The following HCN1 variants were observed in gnomAD, a reference collection of about 807,000 sequenced individuals.
The protein encoded by HCN1 is potassium/sodium hyperpolarization-activated cyclic nucleotide-gated channel 1.
Under a neutral mutation model 78.9 loss-of-function variants are expected in HCN1, and 13 were observed. The ratio of observed to expected loss-of-function variants is 0.16; its 90% CI spans 0.11 to 0.26. The LOEUF is 0.26. Ranked by LOEUF, HCN1 falls within the 10% of genes least tolerant of loss-of-function variation. The probability of loss-of-function intolerance (pLI) is 1.00; values close to 1 mark genes in which losing one functional copy is unlikely to be tolerated. For synonymous variants in HCN1, 552 were observed against 455.5 expected (o/e 1.21, Z -2.70); for missense variants, 810 against 1,154.3 (o/e 0.70, Z 4.32).
At chr5:45,632,279 TTGTGTGTGTG>T (rs139925464) in intron 2 of HCN1, among the ~76,000 whole-genome samples, 2 of 147,696 alleles carry the variant, frequency 1.4e-5, no homozygotes, top group Non-Finnish European at 3.0e-5. Flanking sequence ...TAATGTTCCA[TTGTGTGTGTG>T]TGTGTGTGTG....
chr5:45,330,165 G>T (rs138167036), intron 5 of HCN1, among the ~76,000 whole-genome samples: 360 of 151,330 alleles, frequency 2.4e-3, no homozygotes, highest in African/African-American at 8.2e-3. Flanking sequence ...TTAAACTCCA[G>T]ACTTTGTATT....
chr5:45,325,300 A>G (rs1009657761), intron 5 of HCN1, among the ~76,000 whole-genome samples: 1 of 151,792 alleles, frequency 6.6e-6, no homozygotes, highest in Non-Finnish European at 1.5e-5. Context: ...CTCTGTCATT[A>G]ATAAAACACT....
At chr5:45,290,994 A>G (rs560473806) in intron 6 of HCN1, among the ~76,000 whole-genome samples, 20 of 152,188 alleles carry the variant, frequency 1.3e-4, no homozygotes, top group African/African-American at 4.3e-4. Context: ...CATTGTGTCC[A>G]TCAGAAAGCT....
chr5:45,451,905 G>C (rs1740926388), intron 3 of HCN1, among the ~76,000 whole-genome samples: 1 of 151,948 alleles, frequency 6.6e-6, no homozygotes, highest in African/African-American at 2.4e-5. Flanking sequence ...GCAAAGGGTA[G>C]CACACAGTGA....
chr5:45,657,591 G>C (rs1745799809), intron 1 of HCN1, among the ~76,000 whole-genome samples: 1 of 152,036 alleles, frequency 6.6e-6, no homozygotes, highest in African/African-American at 2.4e-5. Flanking sequence ...ACTTTTTAAA[G>C]ATATGGCTTC....
intron 3 of HCN1, among the ~76,000 whole-genome samples, chr5:45,452,873 G>C (rs1740951335): frequency 2.0e-5 from 3 of 151,978 alleles, no homozygotes; most frequent in Admixed American, 2.0e-4. Context: ...ATACAATGGG[G>C]TTACGAAATG....
chr5:45,488,865 G>T (rs1437072779), intron 2 of HCN1, among the ~76,000 whole-genome samples: 2 of 152,106 alleles, frequency 1.3e-5, no homozygotes, highest in Admixed American at 6.6e-5. Flanking sequence ...ATTGTGTCAA[G>T]AAACTGAGGA....
At chr5:45,583,841 G>T (rs905949312) in intron 2 of HCN1, among the ~76,000 whole-genome samples, 2 of 152,156 alleles carry the variant, frequency 1.3e-5, no homozygotes, top group Non-Finnish European at 2.9e-5. Flanking sequence ...AGTTTTGAGT[G>T]AGTTTCTTAA....
At chr5:45,398,822 CTTAAA>C (rs1249798328) in intron 3 of HCN1, among the ~76,000 whole-genome samples, 1 of 152,072 alleles carries the variant, frequency 6.6e-6, no homozygotes, top group African/African-American at 2.4e-5. Context: ...AAATGTGAGT[CTTAAA>C]TTTAATTTGT....
intron 2 of HCN1, among the ~76,000 whole-genome samples, chr5:45,600,602 T>A (rs1436768155): frequency 6.6e-6 from 1 of 152,276 alleles, no homozygotes; most frequent in Admixed American, 6.5e-5. Flanking sequence ...AACATCTCAC[T>A]TCAAAGCTAT....
rs145471296 is a variant in HCN1, at chr5:45,380,613, T to C, written c.1230+15879A>G. On this transcript the variant is annotated intron_variant, in intron 4 of 7. Coordinates refer to ENST00000303230, the MANE Select transcript of HCN1 (RefSeq NM_021072.4). ...AAAATGATATATTTTATGTTACGTATGTTTTATGACAAAAAATAAAAACTA... is the reference window on the plus strand; with the variant it reads ...AAAATGATATATTTTATGTTACGTACGTTTTATGACAAAAAATAAAAACTA... Among the ~76,000 whole-genome samples the C allele has an allele frequency of 5.1e-3, 771 of 152,226 alleles. 2 individuals are homozygous for C. The highest frequency in any genetic ancestry group is 0.018 in the African/African-American group (736 of 41,560).
chr5:45,582,769 T>C (rs1340031745), intron 2 of HCN1, among the ~76,000 whole-genome samples: 12 of 152,228 alleles, frequency 7.9e-5, no homozygotes, highest in Non-Finnish European at 2.9e-5. Context: ...CTGCATCTAT[T>C]GAGATAATCG....
At chr5:45,631,799 A>T (rs909283781) in intron 2 of HCN1, among the ~76,000 whole-genome samples, 1 of 152,170 alleles carries the variant, frequency 6.6e-6, no homozygotes, top group African/African-American at 2.4e-5. Flanking sequence ...GAACTTTAAA[A>T]AATCATATAA....
intron 1 of HCN1, among the ~76,000 whole-genome samples, chr5:45,694,106 G>C (rs1739962380): frequency 6.6e-6 from 1 of 152,082 alleles, no homozygotes; most frequent in South Asian, 2.1e-4. Flanking sequence ...TTATAAGTTT[G>C]CTTCCCTATC....
chr5:45,550,416 T>A (rs1321040740), intron 2 of HCN1, among the ~76,000 whole-genome samples: 2 of 152,112 alleles, frequency 1.3e-5, no homozygotes, highest in Non-Finnish European at 2.9e-5. Context: ...AAACACCACA[T>A]GTTCTCATTC....
intron 5 of HCN1, among the ~76,000 whole-genome samples, chr5:45,331,438 C>T (rs1012065533): frequency 8.6e-5 from 13 of 151,184 alleles, no homozygotes; most frequent in South Asian, 2.1e-4. Flanking sequence ...TGTGTATAAC[C>T]GTAACAGGAG....
intron 4 of HCN1, among the ~76,000 whole-genome samples, chr5:45,379,506 T>C (rs1579857177): frequency 6.6e-6 from 1 of 152,090 alleles, no homozygotes; most frequent in East Asian, 1.9e-4. Context: ...CTGGGTAATG[T>C]CCAATCTGGT....
intron 3 of HCN1, among the ~76,000 whole-genome samples, chr5:45,418,390 T>A (rs1346177505): frequency 6.7e-6 from 1 of 150,118 alleles, no homozygotes; most frequent in African/African-American, 2.4e-5. Context: ...TCAGCATTAT[T>A]TTTTAGCTCA....
chr5:45,265,405 T>C (rs1744836616), intron 7 of HCN1, among the ~76,000 whole-genome samples: 1 of 152,196 alleles, frequency 6.6e-6, no homozygotes, highest in Non-Finnish European at 1.5e-5. Context: ...TAAGTAAGGA[T>C]GCCTTCAGGA....
Sources: gnomAD v4.1 joint callset for allele counts (sites outside exome capture counted in the v4.1 genomes callset) on GRCh38, gnomAD v4.1.1 for gene constraint, MANE v1.5 for transcripts, NCBI Gene and HGNC (gene_info 2026-07-23, HGNC 2026-07-21) for gene names.